FNIP2: variants seen among roughly 807,000 people sequenced by gnomAD.
The protein encoded by FNIP2 is folliculin-interacting protein 2.
FNIP2 carries 32 observed loss-of-function variants against 108.7 expected under a neutral mutation model. That is an observed-to-expected ratio of 0.29 (90% confidence interval 0.22 to 0.40). The LOEUF (loss-of-function observed/expected upper bound fraction) is 0.40. Among genes scored for constraint, FNIP2 ranks in the 10% least tolerant of loss-of-function variants. The pLI is 1.00. For synonymous variants in FNIP2, 480 were observed against 496.7 expected, an observed-to-expected ratio of 0.97 and a Z score of 0.45; for missense variants, 1,202 against 1,381.6, an observed-to-expected ratio of 0.87 and a Z score of 2.06.
At chr4:158,849,178 T>G (rs1578909826) in intron 7 of FNIP2, among the ~76,000 whole-genome samples, 2 of 152,300 alleles carry the variant, frequency 1.3e-5, no homozygotes, top group East Asian at 3.9e-4. Flanking sequence ...CAAGGGAATG[T>G]TAAAGTAATA....
Position 158,805,390 on chromosome 4 carries a change from T to C in FNIP2, c.108-20526T>C, listed in dbSNP as rs138028474. ...GAATCATATTGATTCTGTAGCATTG[T>C]TCTCCTTTTTCAGATGAAGAATATT... On this transcript the variant is annotated intron_variant, in intron 1 of 16. Coordinates refer to ENST00000264433, the MANE Select transcript of FNIP2 (RefSeq NM_020840.3). Among the ~76,000 whole-genome samples the C allele has an allele frequency of 4.9e-3, 744 of 152,280 alleles. 4 individuals carry two copies. Among genetic ancestry groups the C allele is most frequent in the African/African-American group, 0.017 (711 of 41,520 alleles).
chr4:158,770,711 C>T (rs1030327219), intron 1 of FNIP2, among the ~76,000 whole-genome samples: 17 of 152,054 alleles, frequency 1.1e-4, no homozygotes, highest in Non-Finnish European at 2.4e-4. Flanking sequence ...TGCCATGTAC[C>T]TTCTCAGAAT....
intron 1 of FNIP2, among the ~76,000 whole-genome samples, chr4:158,776,206 G>C (rs939549441): frequency 6.6e-6 from 1 of 152,156 alleles, no homozygotes; most frequent in African/African-American, 2.4e-5. Context: ...AAGCTGAGGG[G>C]GGCTAATTAA....
At chr4:158,818,575 A>T (rs908193921) in intron 1 of FNIP2, among the ~76,000 whole-genome samples, 1 of 152,128 alleles carries the variant, frequency 6.6e-6, no homozygotes, top group African/African-American at 2.4e-5. Flanking sequence ...GTGAAATATT[A>T]ATTTGTTTGT....
In FNIP2 at chr4:158,868,919, G is replaced by A. The variant is rs374735752; in HGVS notation, c.2283G>A (p.Pro761=). ...AGGCTGCTGATGTGGCTCAGGACCC[G>A]CAGGTTTCTAGGAGCCCTTTTAAAC... ...ASEAADVAQD[P]QVSRSPFKPG... is the part of the protein sequence containing the mutation. Residue 761 remains proline (P), a synonymous_variant, in exon 13 of 17, where the codon CCG becomes CCA. Coordinates refer to ENST00000264433, the MANE Select transcript of FNIP2 (RefSeq NM_020840.3). This position sits in a 1 kb window ranked among gnomAD's most constrained non-coding sequence, Gnocchi z 4.6. 64 of 1,613,838 alleles carry A rather than the reference G, an allele frequency of 4.0e-5. 1 individual carries two copies. Among genetic ancestry groups the A allele is most frequent in the Middle Eastern group, 1.6e-4 (1 of 6,084 alleles).
At chr4:158,882,519 C>A (rs746915796) in intron 14 of FNIP2, among the ~76,000 whole-genome samples, 2 of 152,230 alleles carry the variant, frequency 1.3e-5, no homozygotes, top group Non-Finnish European at 2.9e-5. Context: ...TCATTGAGAA[C>A]GGGCCATGAT....
intron 1 of FNIP2, among the ~76,000 whole-genome samples, chr4:158,811,251 T>C (rs1423000690): frequency 6.6e-6 from 1 of 152,240 alleles, no homozygotes; most frequent in African/African-American, 2.4e-5. Context: ...AAAACTACTT[T>C]AGGTTTTTAC....
At chr4:158,866,866 C>T (rs745445895) in intron 12 of FNIP2, among the ~76,000 whole-genome samples, 1 of 152,176 alleles carries the variant, frequency 6.6e-6, no homozygotes, top group African/African-American at 2.4e-5. Context: ...CATGAGCCAC[C>T]GCACCCAGCT....
chr4:158,898,089 T>C (rs926425969), intron 16 of FNIP2, among the ~76,000 whole-genome samples: 1 of 152,236 alleles, frequency 6.6e-6, no homozygotes, highest in Admixed American at 6.5e-5. Flanking sequence ...ATTTATTAAA[T>C]AGGGAATCCT....
rs1782622267 is a variant in FNIP2 at position 158,895,847 on chromosome 4, A to T, written c.3248A>T (p.Glu1083Val). The T allele has an allele frequency of 1.2e-6, 2 of 1,612,832 alleles. No homozygotes were observed. The highest frequency in any genetic ancestry group is 1.7e-6 in the Non-Finnish European group (2 of 1,179,262). The change falls in exon 16 of 17, where the codon GAA becomes GTA. Residue 1083 changes from glutamate (E) to valine (V), a missense_variant. Physicochemically the swap from Glu to Val is moderately radical, Grantham distance 121. Transcript: ENST00000264433. The stretch of plus-strand genomic sequence containing the variant: ...GGACACACACGAGTCCATGTGAAAG[A>T]ATTAGGTGTCGTACTGGGGTGAGTT... Reference protein sequence around the residue: ...LRGHTRVHVKELGVVLGIESN... With the variant: ...LRGHTRVHVKVLGVVLGIESN...
intron 1 of FNIP2, among the ~76,000 whole-genome samples, chr4:158,819,025 T>C (rs1288195905): frequency 6.6e-6 from 1 of 152,228 alleles, no homozygotes; most frequent in Non-Finnish European, 1.5e-5. Flanking sequence ...TAAGTCCCTA[T>C]AGACATTTAT....
intron 16 of FNIP2, among the ~76,000 whole-genome samples, chr4:158,898,601 T>C (rs1033392152): frequency 1.3e-5 from 2 of 152,230 alleles, no homozygotes; most frequent in Non-Finnish European, 2.9e-5. Context: ...TTTGTAGCAA[T>C]TGTGAATAGG....
intron 14 of FNIP2, among the ~76,000 whole-genome samples, chr4:158,875,604 A>C (rs1352353338): frequency 6.7e-6 from 1 of 149,530 alleles, no homozygotes; most frequent in African/African-American, 2.5e-5. Context: ...AAAGAACAGC[A>C]AGTCCCTTCA....
At chr4:158,881,476 T>C (rs1781624193) in intron 14 of FNIP2, among the ~76,000 whole-genome samples, 1 of 116,068 alleles carries the variant, frequency 8.6e-6, no homozygotes, top group Admixed American at 9.7e-5. Context: ...CTCCCTCTCT[T>C]TCCACGGTCT....
chr4:158,834,317 T>TCTCTCTCTCTCTCC (rs1014139894), intron 6 of FNIP2: 1 of 149,948 alleles, frequency 6.7e-6, no homozygotes, highest in Non-Finnish European at 1.5e-5. Flanking sequence ...TCTCTCTCTC[T>TCTCTCTCTCTCTCC]CTCTCTCTCT....
At chr4:158,800,822 CTA>C (rs1776736967) in intron 1 of FNIP2, among the ~76,000 whole-genome samples, 2 of 151,984 alleles carry the variant, frequency 1.3e-5, no homozygotes, top group African/African-American at 4.8e-5. Context: ...TAAGAATTTT[CTA>C]TGTTTCACAG....
chr4:158,832,133 A>G lies in FNIP2; in HGVS notation c.549A>G (p.Thr183=). The change falls in exon 5 of 17, where the codon ACA becomes ACG. Residue 183 remains threonine (T), a synonymous_variant. Coordinates refer to ENST00000264433, the MANE Select transcript of FNIP2 (RefSeq NM_020840.3). ...GAATGGGCAGCTTCTGTGGAAGTACAAATAAGTAAGTGTAGGATTTTGCAT... is the reference window on the plus strand; with the variant it reads ...GAATGGGCAGCTTCTGTGGAAGTACGAATAAGTAAGTGTAGGATTTTGCAT... The part of the protein sequence containing the change: ...SARMGSFCGS[T]NNLQDSFEYI... The G allele has an allele frequency of 6.2e-7, 1 of 1,613,180 alleles. No homozygotes were observed. The highest frequency in any genetic ancestry group is 8.5e-7 in the Non-Finnish European group (1 of 1,179,204).
At chr4:158,808,727 A>C (rs1777106007) in intron 1 of FNIP2, 4 of 152,158 alleles carry the variant, frequency 2.6e-5, no homozygotes, top group Admixed American at 2.6e-4. Context: ...TAGGACTTCC[A>C]ATCTCTTTTT....
intron 16 of FNIP2, among the ~76,000 whole-genome samples, chr4:158,898,764 A>G (rs890294831): frequency 2.0e-5 from 3 of 152,206 alleles, no homozygotes; most frequent in Admixed American, 6.5e-5. Flanking sequence ...CAAATATACA[A>G]TCATGTCATC....
Sources: gnomAD v4.1 joint callset for allele counts (sites outside exome capture counted in the v4.1 genomes callset) on GRCh38, gnomAD v4.1.1 for gene constraint, Gnocchi (gnomAD v3.1) non-coding constraint, MANE v1.5 for transcripts, NCBI Gene and HGNC (gene_info 2026-07-23, HGNC 2026-07-21) for gene names.